Variants in AKT3 observed in about 807,000 individuals in gnomAD.
AKT3 encodes RAC-gamma serine/threonine-protein kinase.
AKT3 carries 15 observed loss-of-function variants against 65.3 expected under a neutral mutation model. That is an observed-to-expected ratio of 0.23 (90% confidence interval 0.15 to 0.35). The LOEUF (loss-of-function observed/expected upper bound fraction) is 0.35. AKT3 is among the 10% of genes least tolerant of loss of function. The pLI, the probability that AKT3 is intolerant of heterozygous loss-of-function variation, is 1.00. For missense variants in AKT3, 243 were observed against 576.5 expected, an observed-to-expected ratio of 0.42 and a Z score of 5.92; for synonymous variants, 206 against 183.8, an observed-to-expected ratio of 1.12 and a Z score of -0.98.
chr1:243,837,957 G>A lies in AKT3; in HGVS notation c.46+5168C>T, dbSNP rs975571621. On this transcript the variant is annotated intron_variant, in intron 2 of 13. Transcript: ENST00000673466. ...GGAAAAAGCAGAACTGTGGATGTTC[G>A]CAGATAACTTGACCATCTATGTAGA... is the stretch of plus-strand genomic sequence containing the variant. Among the ~76,000 whole-genome samples, 18 of 152,232 alleles carry A rather than the reference G, an allele frequency of 1.2e-4. No individual in the cohort carries two copies. The East Asian group carries it at 1.9e-3, about 16-fold the overall frequency.
chr1:243,654,035 T>G (rs899950061), intron 4 of AKT3, among the ~76,000 whole-genome samples: 1 of 152,162 alleles, frequency 6.6e-6, no homozygotes, highest in Non-Finnish European at 1.5e-5. Flanking sequence ...ATTATTTTTA[T>G]ATATATCCTT....
At chr1:243,833,569 G>C (rs1315203367) in intron 2 of AKT3, among the ~76,000 whole-genome samples, 1 of 152,076 alleles carries the variant, frequency 6.6e-6, no homozygotes, top group Non-Finnish European at 1.5e-5. Context: ...TTTAAGATGA[G>C]ATTTGGGTAG....
intron 10 of AKT3, among the ~76,000 whole-genome samples, chr1:243,556,445 A>T (rs1476589675): frequency 6.6e-6 from 1 of 152,066 alleles, no homozygotes; most frequent in East Asian, 1.9e-4. Context: ...AGGATTTACT[A>T]GGAGGTTAAA....
At chr1:243,632,757 C>T (rs1052613028) in intron 6 of AKT3, among the ~76,000 whole-genome samples, 4 of 152,220 alleles carry the variant, frequency 2.6e-5, no homozygotes, top group Admixed American at 1.3e-4. Flanking sequence ...GCTGCAGCTT[C>T]TGTGTCAGCA....
intron 2 of AKT3, among the ~76,000 whole-genome samples, chr1:243,821,188 T>C (rs1365377820): frequency 1.3e-5 from 2 of 152,150 alleles, no homozygotes; most frequent in African/African-American, 4.8e-5. Context: ...CTAAGCTTCA[T>C]AGGCTTAGTT....
At chr1:243,725,183 C>A (rs1266419472) in intron 2 of AKT3, among the ~76,000 whole-genome samples, 2 of 150,232 alleles carry the variant, frequency 1.3e-5, no homozygotes, top group African/African-American at 2.5e-5. Context: ...AGAGACAGAG[C>A]GAGCCTTGTC....
intron 6 of AKT3, among the ~76,000 whole-genome samples, chr1:243,622,173 T>C (rs1678806448): frequency 6.6e-6 from 1 of 152,198 alleles, no homozygotes; most frequent in Non-Finnish European, 1.5e-5. Context: ...TGTGTTAGAA[T>C]GTGCTAAGTA....
At chr1:243,780,843 C>A (rs1247417349) in intron 2 of AKT3, among the ~76,000 whole-genome samples, 15 of 151,832 alleles carry the variant, frequency 9.9e-5, no homozygotes, top group African/African-American at 3.4e-4. Context: ...TTGAATGAAT[C>A]CTTCCACTGA....
chr1:243,628,172 A>G (rs1460575449), intron 6 of AKT3, among the ~76,000 whole-genome samples: 2 of 152,174 alleles, frequency 1.3e-5, no homozygotes, highest in East Asian at 3.8e-4. Flanking sequence ...TAATCCTAAA[A>G]CCTAAAATAT....
intron 8 of AKT3, among the ~76,000 whole-genome samples, chr1:243,581,848 A>C (rs1288172415): frequency 6.6e-6 from 1 of 152,030 alleles, no homozygotes; most frequent in Non-Finnish European, 1.5e-5. Context: ...AAAAACTTCT[A>C]AAGTAATCCA....
chr1:243,612,004 A>G (rs1415847176), intron 8 of AKT3, among the ~76,000 whole-genome samples: 1 of 152,122 alleles, frequency 6.6e-6, no homozygotes, highest in African/African-American at 2.4e-5. Context: ...GAAGTTATAT[A>G]CTCCTTCACA....
intron 3 of AKT3, among the ~76,000 whole-genome samples, chr1:243,685,970 CAGAG>C (rs1481133115): frequency 6.6e-6 from 1 of 152,116 alleles, no homozygotes; most frequent in Non-Finnish European, 1.5e-5. Flanking sequence ...AACAGACAAA[CAGAG>C]AGCCAAATCA....
chr1:243,756,646 T>C (rs923580590), intron 2 of AKT3, among the ~76,000 whole-genome samples: 1 of 152,172 alleles, frequency 6.6e-6, no homozygotes, highest in African/African-American at 2.4e-5. Flanking sequence ...AAACAACAAA[T>C]TAGAAAGTCA....
In AKT3 at chr1:243,610,105, A is replaced by G. The variant is rs192372214; in HGVS notation, c.696+3566T>C. ...AGTGCCTTCCACAAAGACTTAATAC[A>G]TATGTATTTTTGAAATAAAAAGATA... On this transcript the variant is annotated intron_variant, in intron 8 of 13. Coordinates refer to ENST00000673466, the MANE Select transcript of AKT3 (RefSeq NM_005465.7). Among the ~76,000 whole-genome samples, 243 of 152,336 alleles carry G rather than the reference A, an allele frequency of 1.6e-3. 1 individual carries two copies. The highest frequency in any genetic ancestry group is 5.6e-3 in the African/African-American group (233 of 41,576).
chr1:243,695,447 G>A (rs1685003665), intron 3 of AKT3, 144 bp downstream of exon 3: 1 of 660,138 alleles, frequency 1.5e-6, no homozygotes, highest in Non-Finnish European at 2.3e-6. Context: ...CTAAGGGACT[G>A]AAATTCTATC....
At chr1:243,743,782 G>A (rs1688312516) in intron 2 of AKT3, among the ~76,000 whole-genome samples, 1 of 152,176 alleles carries the variant, frequency 6.6e-6, no homozygotes, top group Non-Finnish European at 1.5e-5. Context: ...CAGCACTTTG[G>A]AAGGATTGCT....
intron 2 of AKT3, among the ~76,000 whole-genome samples, chr1:243,810,319 C>T (rs1365177571): frequency 2.0e-5 from 3 of 152,048 alleles, no homozygotes; most frequent in Non-Finnish European, 4.4e-5. Flanking sequence ...ATCAAATAGA[C>T]ACAATAAAAC....
At chr1:243,642,873 G>A (rs1364922284) in intron 5 of AKT3, among the ~76,000 whole-genome samples, 1 of 152,112 alleles carries the variant, frequency 6.6e-6, no homozygotes, top group South Asian at 2.1e-4. Flanking sequence ...AATCAATGAG[G>A]AACATAAAGA....
rs573118204 is a variant in AKT3, at chr1:243,628,062, G to A, written c.561+9549C>T. Among the ~76,000 whole-genome samples the A allele has an allele frequency of 2.6e-5, 4 of 152,314 alleles. No homozygotes were observed. In the South Asian group the frequency reaches 8.3e-4, roughly 32 times the overall value. ...GTCCAGCAGTAACCACTGGGACCAT[G>A]GGCCAGACAAGAAAGTATAGAACAC... On this transcript the variant is annotated intron_variant, in intron 6 of 13. Transcript: ENST00000673466.
Sources: gnomAD v4.1 joint callset for allele counts (sites outside exome capture counted in the v4.1 genomes callset) on GRCh38, gnomAD v4.1.1 for gene constraint, MANE v1.5 for transcripts, NCBI Gene and HGNC (gene_info 2026-07-23, HGNC 2026-07-21) for gene names.